The following TTN variants were observed in gnomAD, a reference collection of about 807,000 sequenced individuals.
TTN encodes connectin.
A neutral mutation model predicts 3,223.0 loss-of-function variants in TTN; 1,525 were observed. That is an observed-to-expected ratio of 0.47 (90% CI 0.45 to 0.49). The LOEUF (loss-of-function observed/expected upper bound fraction) is 0.49. TTN is among the 20% of genes least tolerant of loss of function. The probability of loss-of-function intolerance (pLI) is 0.00; values close to 1 mark genes in which losing one functional copy is unlikely to be tolerated. For synonymous variants in TTN, 14,094 were observed against 15,161.0 expected, an observed-to-expected ratio of 0.93 and a Z score of 5.17; for missense variants, 40,786 against 43,424.0, an observed-to-expected ratio of 0.94 and a Z score of 5.40.
rs1396920730 is a variant in TTN at position 178,551,204 on chromosome 2, A to G, written c.91327T>C (p.Trp30443Arg). 2 of 1,613,538 alleles carry G rather than the reference A, an allele frequency of 1.2e-6. No individual in the cohort carries two copies. Among genetic ancestry groups the G allele is most frequent in the South Asian group, 2.2e-5 (2 of 91,064 alleles). The change falls in exon 336 of 363, where the codon TGG (tryptophan) becomes CGG (arginine). Residue 30443 changes from tryptophan to arginine, a missense_variant. Coordinates refer to ENST00000589042, the MANE Select transcript of TTN (RefSeq NM_001267550.2). ...CCTCCATCACGCAATGGTGGGTTCCATTTAAGTGTGATGGTTTCCCGGGTG... is the reference window on the plus strand; with the variant it reads ...CCTCCATCACGCAATGGTGGGTTCCGTTTAAGTGTGATGGTTTCCCGGGTG... ...DVTRETITLK[W>R]NPPLRDGGSK...
Position 178,714,446 on chromosome 2 carries a change from G to C in TTN, c.26328C>G (p.Ile8776Met). The change falls in exon 91 of 363, where the codon ATC becomes ATG. Residue 8776 changes from isoleucine to methionine, a missense_variant. By Grantham distance (10) the Ile-to-Met change is conservative (BLOSUM62 1). Transcript: ENST00000589042. ...SVVWFKDKGE[I>M]VRESDNIWIS... The stretch of plus-strand genomic sequence containing the variant: ...TCCATATGTTGTCACTTTCTCTAAC[G>C]ATTTCTCCCTTATCTTTGAACCACA... The C allele has an allele frequency of 6.2e-7, 1 of 1,613,574 alleles. No individual in the cohort carries two copies. The highest frequency in any genetic ancestry group is 8.5e-7 in the Non-Finnish European group (1 of 1,179,670).
chr2:178,561,601 C>T lies in TTN; in HGVS notation c.84531G>A (p.Val28177=). 1 of 1,613,068 alleles carries T rather than the reference C, an allele frequency of 6.2e-7. No individual in the cohort carries two copies. The highest frequency in any genetic ancestry group is 2.2e-5 in the East Asian group (1 of 44,742). The change falls in exon 326 of 363, where the codon GTG becomes GTA. Residue 28177 remains valine (V), a synonymous_variant. Coordinates refer to ENST00000589042, the MANE Select transcript of TTN (RefSeq NM_001267550.2). ...CTCGACTTCCTCCATCATTAACTGG[C>T]ACTTGCCAGGTTACAAGCATGGTAG... ...TKSTMLVTWQ[V]PVNDGGSRVI...
Position 178,545,381 on chromosome 2 carries a change from A to C in TTN, c.95722+7T>G, listed in dbSNP as rs781552793. 6.5e-7 allele frequency: 1 copy of C among 1,539,310 alleles called. No homozygotes were observed. The highest frequency in any genetic ancestry group is 1.3e-5 in the South Asian group (1 of 78,366). On this transcript the variant is annotated splice_region_variant and intron_variant, in intron 344 of 362. Transcript: ENST00000589042. The stretch of plus-strand genomic sequence containing the variant: ...CATTGTATTTATGTATGATTCTTGG[A>C]GCTCACATGATGGTTCTCTGCATGA...
chr2:178,772,991 A>G (rs2091753686), intron 33 of TTN, 118 bp downstream of exon 33: 1 of 1,342,058 alleles, frequency 7.5e-7, no homozygotes, highest in Non-Finnish European at 1.0e-6. Context: ...GGCTTTGGGA[A>G]CAGCATAAGC....
Position 178,640,221 on chromosome 2 carries a change from C to T in TTN, c.40724-111G>A, listed in dbSNP as rs535740469. The T allele has an allele frequency of 1.7e-5, 16 of 920,526 alleles. No homozygotes were observed. In the South Asian group the frequency reaches 2.3e-4, roughly 13 times the overall value. 57.0% of individuals were successfully genotyped at this position (920,526 alleles called of 1,614,324 possible). A position where few individuals can be genotyped will look rare whatever the true frequency, so the allele number is the denominator to read the frequency against. On this transcript the variant is annotated intron_variant, in intron 221 of 362. Coordinates refer to ENST00000589042, the MANE Select transcript of TTN (RefSeq NM_001267550.2). The stretch of plus-strand genomic sequence containing the variant: ...CTTGGAAGATATTAGAATTTATATA[C>T]ATATAATTATCAAATCAAGTATTTG...
chr2:178,749,022 T>G, intron 47 of TTN: 1 of 1,612,650 alleles, frequency 6.2e-7, no homozygotes, highest in Non-Finnish European at 8.5e-7. Flanking sequence ...AATTCGATAA[T>G]TCTATGCTTC....
In TTN at chr2:178,560,271, A is replaced by G. The variant is rs751308383; in HGVS notation, c.85861T>C (p.Tyr28621His). 22 of 1,613,722 alleles carry G rather than the reference A, an allele frequency of 1.4e-5. No homozygotes were observed. The highest frequency in any genetic ancestry group is 1.9e-5 in the Non-Finnish European group (22 of 1,179,802). Residue 28621 changes from tyrosine (Y) to histidine (H), a missense_variant, in exon 326 of 363, where the codon TAT becomes CAT. Coordinates refer to ENST00000589042, the MANE Select transcript of TTN (RefSeq NM_001267550.2). ...TTTTCTGCATAAACACGATATTCATATTCACATCCTTCCCGAAGTCCTGTT... is the reference window on the plus strand; with the variant it reads ...TTTTCTGCATAAACACGATATTCATGTTCACATCCTTCCCGAAGTCCTGTT... ...KSTGLREGCEYEYRVYAENAA... is the reference protein window; with the variant it reads ...KSTGLREGCEHEYRVYAENAA...
rs1194586798 is a variant in TTN, at chr2:178,799,627, A to G, written c.774T>C (p.Pro258=). Residue 258 remains proline, a synonymous_variant, in exon 6 of 363, where the codon CCT becomes CCC. Transcript: ENST00000589042. The part of the protein sequence containing the change: ...QLPHKTPPRI[P]PKPKSRSPTP... ...TTGGGGATCTTGACTTTGGCTTCGG[A>G]GGAATCCTGGGAGGTGTTTTATGTG... 6.2e-7 allele frequency: 1 copy of G among 1,613,934 alleles called. No individual in the cohort carries two copies. Among genetic ancestry groups the G allele is most frequent in the Non-Finnish European group, 8.5e-7 (1 of 1,180,008 alleles).
intron 49 of TTN, among the ~76,000 whole-genome samples, chr2:178,736,850 TG>T (rs2154315176): frequency 6.6e-6 from 1 of 152,198 alleles, no homozygotes; most frequent in East Asian, 1.9e-4. Context: ...ATCATGGGCC[TG>T]GGTTTTTCTT....
Position 178,568,961 on chromosome 2 carries a change from T to C in TTN, c.77171A>G (p.His25724Arg), listed in dbSNP as rs768382014. 6.2e-7 allele frequency: 1 copy of C among 1,613,446 alleles called. No homozygotes were observed. Among genetic ancestry groups the C allele is most frequent in the South Asian group, 1.1e-5 (1 of 91,062 alleles). The part of the protein sequence containing the change: ...SVSLSWTKPE[H>R]DGGSKIIQYI... ...CTGAATGATTTTACTGCCACCATCA[T>C]GTTCAGGTTTTGTCCAACTCAGAGA... Residue 25724 changes from histidine to arginine, a missense_variant, in exon 326 of 363, where the codon CAT (histidine) becomes CGT (arginine). Coordinates refer to ENST00000589042, the MANE Select transcript of TTN (RefSeq NM_001267550.2).
intron 102 of TTN, 111 bp downstream of exon 102, chr2:178,706,343 T>G (rs1321939590): frequency 5.1e-6 from 6 of 1,170,886 alleles, no homozygotes; most frequent in Non-Finnish European, 3.5e-6. Context: ...TTATTTGTAT[T>G]TTTAAATTTT....
In TTN at chr2:178,714,110, C is replaced by G. The variant is rs2077103240; in HGVS notation, c.26548G>C (p.Glu8850Gln). 1 of 1,613,704 alleles carries G rather than the reference C, an allele frequency of 6.2e-7. No homozygotes were observed. Among genetic ancestry groups the G allele is most frequent in the East Asian group, 2.2e-5 (1 of 44,856 alleles). The change falls in exon 92 of 363, where the codon GAG becomes CAG. Residue 8850 changes from glutamate (E) to glutamine (Q), a missense_variant. Glu to Gln is a conservative substitution (Grantham distance 29). Coordinates refer to ENST00000589042, the MANE Select transcript of TTN (RefSeq NM_001267550.2). ...TCAGGGGTGCCAGCTACTGTACACT[C>G]CAAGGTACAGGTGTCTCCCGTGGTA... ...KVTTGDTCTL[E>Q]CTVAGTPELS...
Position 178,598,587 on chromosome 2 carries a change from A to C in TTN, c.57030T>G (p.Ser19010=). 1 of 1,608,550 alleles carries C rather than the reference A, an allele frequency of 6.2e-7. No individual in the cohort carries two copies. The highest frequency in any genetic ancestry group is 1.1e-5 in the South Asian group (1 of 89,386). ...WTKSSADLEW[S]PPLKDGGSKV... ...TGGATCCACCATCTTTTAGTGGGGG[A>C]GACCACTCCAGATCTGCAGATGATT... The change falls in exon 292 of 363, where the codon TCT becomes TCG. Residue 19010 remains serine (S), a synonymous_variant. Transcript: ENST00000589042.
rs776798967 is a variant in TTN, at chr2:178,564,296, G to A, written c.81836C>T (p.Pro27279Leu). ...EIDAPNASLD[P>L]KYKDVIVVHA... is the part of the protein sequence containing the mutation. ...AACAACGATGACATCTTTATATTTT[G>A]GATCCAGAGAGGCATTTGGTGCATC... The change falls in exon 326 of 363, where the codon CCA becomes CTA. Residue 27279 changes from proline (P) to leucine (L), a missense_variant. Physicochemically the swap from Pro to Leu is moderately conservative, Grantham distance 98 (BLOSUM62 -3). Transcript: ENST00000589042. 2 of 1,613,374 alleles carry A rather than the reference G, an allele frequency of 1.2e-6. No homozygotes were observed. Among genetic ancestry groups the A allele is most frequent in the African/African-American group, 2.7e-5 (2 of 74,886 alleles).
Position 178,780,072 on chromosome 2 carries a change from T to C in TTN, c.3657A>G (p.Glu1219=). The C allele has an allele frequency of 6.2e-7, 1 of 1,613,534 alleles. No individual in the cohort carries two copies. The highest frequency in any genetic ancestry group is 2.2e-5 in the East Asian group (1 of 44,808). The change falls in exon 22 of 363, where the codon GAA becomes GAG. Residue 1219 remains glutamate (E), a synonymous_variant. Coordinates refer to ENST00000589042, the MANE Select transcript of TTN (RefSeq NM_001267550.2). ...TCTTCCTAATTAAGGCTTGTTCTTT[T>C]TCATACTCTTTTTCATACTCAGAGT... The part of the protein sequence containing the change: ...FVYSEYEKEY[E]KEQALIRKKM...
At chr2:178,749,292 AT>A (rs761455710) in intron 47 of TTN, 1 of 1,611,616 alleles carries the variant, frequency 6.2e-7, no homozygotes, top group Non-Finnish European at 8.5e-7. Context: ...TGCAGCTTTG[AT>A]TTTTCACTTA....
rs373311221 is a variant in TTN, at chr2:178,572,814, T to G, written c.73318A>C (p.Ile24440Leu). The G allele has an allele frequency of 4.3e-6, 7 of 1,613,420 alleles. No individual in the cohort carries two copies. Among genetic ancestry groups the G allele is most frequent in the Non-Finnish European group, 5.9e-6 (7 of 1,179,552 alleles). ...AGTCTCAGGGTGCAGCAGGCCCTTA[T>G]AGTAACAACTTTGCGCAGGTCAGCA... ...LDADLRKVVT[I>L]RACCTLRLFV... is the part of the protein sequence containing the mutation. Residue 24440 changes from isoleucine to leucine, a missense_variant, in exon 326 of 363, where the codon ATA (isoleucine) becomes CTA (leucine). Transcript: ENST00000589042.
Position 178,563,645 on chromosome 2 carries a change from T to G in TTN, c.82487A>C (p.Asp27496Ala). 1 of 1,613,798 alleles carries G rather than the reference T, an allele frequency of 6.2e-7. No homozygotes were observed. Among genetic ancestry groups the G allele is most frequent in the South Asian group, 1.1e-5 (1 of 91,082 alleles). Residue 27496 changes from aspartate (D) to alanine (A), a missense_variant, in exon 326 of 363, where the codon GAC becomes GCC. Coordinates refer to ENST00000589042, the MANE Select transcript of TTN (RefSeq NM_001267550.2). This position sits in a 1 kb window ranked among gnomAD's most constrained non-coding sequence, Gnocchi z 4.5. ...MVVTWARPVDDGGTEIEGYIL... is the reference protein window; with the variant it reads ...MVVTWARPVDAGGTEIEGYIL... ...GTAGCCCTCAATTTCGGTACCTCCG[T>G]CGTCTACTGGGCGTGCCCATGTTAC...
chr2:178,679,370 A>G lies in TTN; in HGVS notation c.33711T>C (p.Ile11237=), dbSNP rs2068806712. 6.2e-7 allele frequency: 1 copy of G among 1,612,750 alleles called. No homozygotes were observed. The highest frequency in any genetic ancestry group is 1.1e-5 in the South Asian group (1 of 91,034). The change falls in exon 142 of 363, where the codon ATT becomes ATC. Residue 11237 remains isoleucine, a synonymous_variant. Transcript: ENST00000589042. The stretch of plus-strand genomic sequence containing the variant: ...CTGGCGGAGGCTTCTCCTTTTTAGG[A>G]ATAAGCACAGGAACTTTCTCCTCTG... The part of the protein sequence containing the change: ...KKPEEKVPVL[I]PKKEKPPPAK...
Sources: allele counts gnomAD v4.1 joint callset (sites outside exome capture counted in the v4.1 genomes callset), GRCh38; gene constraint gnomAD v4.1.1; non-coding constraint Gnocchi (gnomAD v3.1); transcripts MANE v1.5; gene names NCBI Gene and HGNC (gene_info 2026-07-23, HGNC 2026-07-21).